Variants in TNFRSF19 observed in about 807,000 individuals in gnomAD.
TNFRSF19 encodes the protein TNF receptor superfamily member 19, also known as tumor necrosis factor receptor superfamily member 19.
In TNFRSF19, 27 loss-of-function variants were observed where a neutral mutation model predicts 46.4. The ratio of observed to expected loss-of-function variants is 0.58; its 90% CI spans 0.43 to 0.80. The LOEUF (loss-of-function observed/expected upper bound fraction) is 0.80. Among genes scored for constraint, TNFRSF19 ranks in the 30% least tolerant of loss-of-function variants. TNFRSF19 has a pLI of 0.00. For synonymous variants in TNFRSF19, 204 were observed against 205.0 expected, an observed-to-expected ratio of 1.00 and a Z score of 0.04; for missense variants, 511 against 530.8, an observed-to-expected ratio of 0.96 and a Z score of 0.37.
chr13:23,670,873 A>G (rs1279190291), intron 9 of TNFRSF19, among the ~76,000 whole-genome samples: 1 of 152,256 alleles, frequency 6.6e-6, no homozygotes, highest in Non-Finnish European at 1.5e-5. Context: ...CATCTGAAGA[A>G]CTAGGGTTAC....
At chr13:23,665,080 T>C (rs1053303188) in intron 7 of TNFRSF19, among the ~76,000 whole-genome samples, 1 of 152,156 alleles carries the variant, frequency 6.6e-6, no homozygotes, top group Non-Finnish European at 1.5e-5. Context: ...AATACAACAC[T>C]TTCTGTGGTG....
At chr13:23,633,629 A>T (rs974091688) in intron 5 of TNFRSF19, among the ~76,000 whole-genome samples, 3 of 152,158 alleles carry the variant, frequency 2.0e-5, no homozygotes, top group African/African-American at 7.2e-5. Flanking sequence ...TGGGTGGATC[A>T]CCTGAGGTCA....
chr13:23,607,115 T>C (rs1880561734), intron 3 of TNFRSF19, among the ~76,000 whole-genome samples: 1 of 138,486 alleles, frequency 7.2e-6, no homozygotes, highest in African/African-American at 3.0e-5. Flanking sequence ...TTATAAATAA[T>C]CTTTTTTAAA....
chr13:23,578,112 G>C (rs1344312242), intron 1 of TNFRSF19, among the ~76,000 whole-genome samples: 1 of 152,184 alleles, frequency 6.6e-6, no homozygotes, highest in African/African-American at 2.4e-5. Context: ...ATGCCCTCGG[G>C]AGATCCAGGT....
In TNFRSF19 at chr13:23,597,137, A is replaced by G. The variant is rs1879790008; in HGVS notation, c.180+3682A>G. 2.6e-5 allele frequency among the ~76,000 whole-genome samples: 4 copies of G among 152,202 alleles called. No individual in the cohort carries two copies. The South Asian group carries it at 6.2e-4, about 24-fold the overall frequency. ...TTATAGCACTAAATGCCCACAGGAGAAAGTGGAAAAGATCTAAAATTGACA... is the reference window on the plus strand; with the variant it reads ...TTATAGCACTAAATGCCCACAGGAGGAAGTGGAAAAGATCTAAAATTGACA... On this transcript the variant is annotated intron_variant, in intron 3 of 9. Transcript: ENST00000248484.
At chr13:23,632,885 C>T (rs922742433) in intron 5 of TNFRSF19, among the ~76,000 whole-genome samples, 24 of 152,130 alleles carry the variant, frequency 1.6e-4, no homozygotes, top group Non-Finnish European at 3.4e-4. Flanking sequence ...GAAGTGAAAG[C>T]GCAGCCTGCA....
chr13:23,647,975 C>CT (rs1555277417), intron 5 of TNFRSF19, among the ~76,000 whole-genome samples: 4 of 151,936 alleles, frequency 2.6e-5, no homozygotes, highest in Admixed American at 2.0e-4. Flanking sequence ...ACCACCCCCC[C>CT]TTTTTTTTAA....
At chr13:23,631,551 G>A (rs1050970653) in intron 5 of TNFRSF19, among the ~76,000 whole-genome samples, 9 of 152,086 alleles carry the variant, frequency 5.9e-5, no homozygotes, top group African/African-American at 2.2e-4. Context: ...CACTAACGAT[G>A]GATGTCCATG....
chr13:23,646,830 G>T (rs1196988676), intron 5 of TNFRSF19, among the ~76,000 whole-genome samples: 1 of 152,136 alleles, frequency 6.6e-6, no homozygotes, highest in Non-Finnish European at 1.5e-5. Context: ...GTAACTTTGT[G>T]TTTAATGTTT....
intron 1 of TNFRSF19, among the ~76,000 whole-genome samples, chr13:23,571,853 C>T (rs1273423856): frequency 6.6e-6 from 1 of 151,458 alleles, no homozygotes; most frequent in Non-Finnish European, 1.5e-5. Flanking sequence ...AAAAGTAACA[C>T]TGTTACTTTG....
At chr13:23,656,008 C>T (rs1883961698) in intron 5 of TNFRSF19, among the ~76,000 whole-genome samples, 1 of 152,128 alleles carries the variant, frequency 6.6e-6, no homozygotes, top group South Asian at 2.1e-4. Flanking sequence ...TTACCATAAA[C>T]TCATACATAT....
chr13:23,642,473 C>T (rs1259161556), intron 5 of TNFRSF19, among the ~76,000 whole-genome samples: 1 of 152,146 alleles, frequency 6.6e-6, no homozygotes, highest in Non-Finnish European at 1.5e-5. Context: ...ATTGTTATTT[C>T]TTGGTTTTAC....
chr13:23,591,750 G>A (rs1593237662), intron 2 of TNFRSF19, among the ~76,000 whole-genome samples: 1 of 141,220 alleles, frequency 7.1e-6, no homozygotes, highest in Non-Finnish European at 1.5e-5. Flanking sequence ...TTTTTGAGAC[G>A]AAGTTTCGCT....
chr13:23,577,980 C>T (rs1878079764), intron 1 of TNFRSF19, among the ~76,000 whole-genome samples: 1 of 151,954 alleles, frequency 6.6e-6, no homozygotes, highest in African/African-American at 2.4e-5. Flanking sequence ...TGGTGGGCAC[C>T]AAGACAAAGA....
Position 23,607,285 on chromosome 13 carries a change from T to A in TNFRSF19, c.181-8582T>A, listed in dbSNP as rs530348173. ...CCCATCTGTACTAAAAATACAAAAATTAGCCAGGTGTGGTGGTGGGCGCCT... is the reference window on the plus strand; with the variant it reads ...CCCATCTGTACTAAAAATACAAAAAATAGCCAGGTGTGGTGGTGGGCGCCT... On this transcript the variant is annotated intron_variant, in intron 3 of 9. Transcript: ENST00000248484. Among the ~76,000 whole-genome samples the A allele has an allele frequency of 1.6e-4, 25 of 152,142 alleles. 1 individual carries two copies. Among genetic ancestry groups the A allele is most frequent in the Middle Eastern group, 3.4e-3 (1 of 294 alleles).
chr13:23,658,776 G>T (rs1884146118), intron 5 of TNFRSF19, among the ~76,000 whole-genome samples: 1 of 152,348 alleles, frequency 6.6e-6, no homozygotes, highest in African/African-American at 2.4e-5. Context: ...GGAGCTGAAG[G>T]CAGATTCTAG....
intron 5 of TNFRSF19, among the ~76,000 whole-genome samples, chr13:23,644,233 G>A (rs1883191597): frequency 6.6e-6 from 1 of 152,146 alleles, no homozygotes; most frequent in African/African-American, 2.4e-5. Flanking sequence ...TGTGCCCTCA[G>A]TTTCATATGG....
rs896778599 is a variant in TNFRSF19 at position 23,667,979 on chromosome 13, G to C, written c.737-1G>C. On this transcript the variant is annotated splice_acceptor_variant, in intron 7 of 9. Coordinates refer to ENST00000248484, the MANE Select transcript of TNFRSF19 (RefSeq NM_148957.4). LOFTEE classifies it high-confidence loss of function. ...CTTCACACCTGTGCTGTCTTCCCTA[G>C]GGCCGGTGCGCTTGCTCCCATCCAT... The C allele has an allele frequency of 1.9e-6, 3 of 1,602,082 alleles. No homozygotes were observed. The highest frequency in any genetic ancestry group is 2.6e-6 in the Non-Finnish European group (3 of 1,174,394).
chr13:23,673,231 G>C (rs1043358216), intron 9 of TNFRSF19, 141 bp from the exon 10 acceptor site: 1 of 812,416 alleles, frequency 1.2e-6, no homozygotes, highest in Admixed American at 3.2e-5. Flanking sequence ...ACTATTGAAT[G>C]AGTTTCTTGT....
Sources: gnomAD v4.1 joint callset for allele counts (sites outside exome capture counted in the v4.1 genomes callset) on GRCh38, gnomAD v4.1.1 for gene constraint, MANE v1.5 for transcripts, NCBI Gene and HGNC (gene_info 2026-07-23, HGNC 2026-07-21) for gene names.